CACNA1G: variants seen among roughly 807,000 people sequenced by gnomAD.
CACNA1G encodes calcium voltage-gated channel subunit alpha1 G.
CACNA1G carries 67 observed loss-of-function variants against 219.4 expected under a neutral mutation model. The ratio of observed to expected loss-of-function variants is 0.31; its 90% CI spans 0.25 to 0.37. The LOEUF (loss-of-function observed/expected upper bound fraction) is 0.37, where lower values mean the gene tolerates loss of function less well. CACNA1G is among the 10% of genes least tolerant of loss of function. The pLI is 1.00. For synonymous variants in CACNA1G, 1,296 were observed against 1,345.3 expected, an observed-to-expected ratio of 0.96 and a Z score of 0.80; for missense variants, 2,380 against 3,231.4, an observed-to-expected ratio of 0.74 and a Z score of 6.39.
rs781536757 is a variant in CACNA1G at position 50,569,197 on chromosome 17, C to T, written c.387C>T (p.Ala129=). The change falls in exon 3 of 38, where the codon GCC becomes GCT. Residue 129 remains alanine, a synonymous_variant. Coordinates refer to ENST00000359106, the MANE Select transcript of CACNA1G (RefSeq NM_018896.5). ...AFDDFIFAFF[A]VEMVVKMVAL... ...ATGACTTCATCTTTGCCTTCTTTGC[C>T]GTGGAGATGGTGGTGAAGATGGTGG... 10 of 1,613,744 alleles carry T rather than the reference C, an allele frequency of 6.2e-6. No individual in the cohort carries two copies. In the Admixed American group the frequency reaches 6.7e-5, roughly 11 times the overall value.
chr17:50,591,715 C>A, intron 11 of CACNA1G, 24 bp from the exon 12 acceptor site: 1 of 1,612,402 alleles, frequency 6.2e-7, no homozygotes, highest in Non-Finnish European at 8.5e-7. Flanking sequence ...TGATCCCTAG[C>A]TTGTGGCCCC....
intron 4 of CACNA1G, among the ~76,000 whole-genome samples, chr17:50,570,557 C>CTGTGTGTGTGTGTGTGTGTG (rs3062844): frequency 0.17 from 22,800 of 132,244 alleles, 2,721 homozygotes; most frequent in East Asian, 0.32. Flanking sequence ...CCCCTGCGCT[C>CTGTGTGTGTGTGTGTGTGTG]TGTGTGTGTG....
intron 26 of CACNA1G, among the ~76,000 whole-genome samples, chr17:50,612,415 G>C (rs2049405045): frequency 6.6e-6 from 1 of 152,198 alleles, no homozygotes; most frequent in Non-Finnish European, 1.5e-5. Flanking sequence ...GGGGCTGCTG[G>C]GTCATCAGGC....
At position 50,623,992 on chromosome 17, in the gene CACNA1G, A is replaced by G. The variant is rs775169966; in HGVS notation, c.6146A>G (p.Asn2049Ser). 2.5e-6 allele frequency: 4 copies of G among 1,613,018 alleles called. No individual in the cohort carries two copies. In the South Asian group the frequency reaches 3.3e-5, roughly 13 times the overall value. ...SGVSRTHSLP[N>S]DSYMCRHGST... ...GTCAGCCGAACGCACTCTCTGCCCA[A>G]TGACAGCTACATGTGTCGGCATGGG... Residue 2049 changes from asparagine to serine, a missense_variant, in exon 36 of 38, where the codon AAT (asparagine) becomes AGT (serine). Asn to Ser is a conservative substitution (Grantham distance 46, BLOSUM62 1). This residue lies in a region of CACNA1G where 672 missense variants were observed against 670.5 expected (regional missense o/e 1.00). Coordinates refer to ENST00000359106, the MANE Select transcript of CACNA1G (RefSeq NM_018896.5).
chr17:50,582,031 G>A (rs764374189), intron 9 of CACNA1G, among the ~76,000 whole-genome samples: 9 of 152,268 alleles, frequency 5.9e-5, no homozygotes, highest in Non-Finnish European at 1.2e-4. Context: ...GTTGGGAAGA[G>A]ACGTGGACAA....
intron 3 of CACNA1G, 79 bp downstream of exon 3, chr17:50,569,377 C>G: frequency 4.1e-6 from 6 of 1,466,664 alleles, no homozygotes; most frequent in Non-Finnish European, 5.7e-6. Flanking sequence ...GGCCTGTGAC[C>G]TCTCAGCTCC....
chr17:50,587,198 T>C (rs1173256265), intron 9 of CACNA1G, among the ~76,000 whole-genome samples: 2 of 152,026 alleles, frequency 1.3e-5, no homozygotes, highest in Admixed American at 1.3e-4. Context: ...GGCAGAGATG[T>C]AGAGGGAGGC....
At chr17:50,572,984 T>C in intron 6 of CACNA1G, 37 bp from the exon 7 acceptor site, 8 of 1,562,584 alleles carry the variant, frequency 5.1e-6, no homozygotes, top group Non-Finnish European at 6.1e-6. Flanking sequence ...GAGGATTTGG[T>C]GGGCCCATAG....
At position 50,596,982 on chromosome 17, in the gene CACNA1G, A is replaced by G; in HGVS notation, c.3258+59A>G. On this transcript the variant is annotated intron_variant, in intron 16 of 37. Transcript: ENST00000359106. The surrounding 1 kb of genome is among the most constrained non-coding windows in gnomAD (Gnocchi z 4.8). ...AGATATTCCAAGGAGGACAGGAGGA[A>G]GAGAGGATGGAGGCAGGCGGGTCCA... 7.0e-7 allele frequency: 1 copy of G among 1,428,610 alleles called. No homozygotes were observed. Among genetic ancestry groups the G allele is most frequent in the South Asian group, 1.4e-5 (1 of 70,256 alleles). 88.5% of individuals were successfully genotyped at this position (1,428,610 alleles called of 1,614,324 possible). A position where few individuals can be genotyped will look rare whatever the true frequency, so the allele number is the denominator to read the frequency against.
chr17:50,571,848 G>A lies in CACNA1G; in HGVS notation c.587-30G>A, dbSNP rs1273310365. ...CAGTCAGCCTAGCCCGGCCAGCCTG[G>A]TGTCCCCAGCGTGGCTTCTGCCCCC... is the stretch of plus-strand genomic sequence containing the variant. On this transcript the variant is annotated intron_variant, in intron 4 of 37. Coordinates refer to ENST00000359106, the MANE Select transcript of CACNA1G (RefSeq NM_018896.5). This position sits in a 1 kb window ranked among gnomAD's most constrained non-coding sequence, Gnocchi z 4.3. 1.2e-6 allele frequency: 2 copies of A among 1,610,960 alleles called. No homozygotes were observed. Among genetic ancestry groups the A allele is most frequent in the South Asian group, 2.2e-5 (2 of 91,074 alleles).
At chr17:50,608,716 G>A (rs898383936) in intron 25 of CACNA1G, among the ~76,000 whole-genome samples, 2 of 152,198 alleles carry the variant, frequency 1.3e-5, no homozygotes, top group South Asian at 2.1e-4. Context: ...CCATCCGTCC[G>A]TCCTCATGCC....
chr17:50,568,447 C>A (rs1435539739), intron 1 of CACNA1G, among the ~76,000 whole-genome samples: 1 of 152,180 alleles, frequency 6.6e-6, no homozygotes, highest in African/African-American at 2.4e-5. Flanking sequence ...CAGGCATAAT[C>A]CGACTTTAGG....
At chr17:50,581,461 C>T (rs2041948606) in intron 9 of CACNA1G, among the ~76,000 whole-genome samples, 1 of 152,070 alleles carries the variant, frequency 6.6e-6, no homozygotes, top group Non-Finnish European at 1.5e-5. Context: ...TGCCCTCCCT[C>T]CTGGCCGTCA....
At chr17:50,611,270 A>AG (rs1187672859) in intron 26 of CACNA1G, among the ~76,000 whole-genome samples, 11 of 143,496 alleles carry the variant, frequency 7.7e-5, no homozygotes, top group Middle Eastern at 3.4e-3. Context: ...AAAAAAAAAA[A>AG]AGAGAGAGAG....
At chr17:50,591,657 G>A (rs773612747) in intron 11 of CACNA1G, 37 bp downstream of exon 11, 25 of 1,610,136 alleles carry the variant, frequency 1.6e-5, no homozygotes, top group African/African-American at 8.0e-5. Context: ...CTGAGAGACC[G>A]GCCAGGCTGG....
intron 26 of CACNA1G, among the ~76,000 whole-genome samples, chr17:50,614,406 C>T (rs1046536400): frequency 1.3e-5 from 2 of 152,150 alleles, no homozygotes; most frequent in Non-Finnish European, 2.9e-5. Context: ...TCTGTGGCTT[C>T]GTGGGAGACC....
chr17:50,589,914 G>C (rs12602524), intron 9 of CACNA1G, among the ~76,000 whole-genome samples: 43,890 of 111,646 alleles, frequency 0.39, 8,648 homozygotes, highest in East Asian at 0.81. Flanking sequence ...CTCTCTCTCT[G>C]TGTGTGTGTG....
chr17:50,570,979 A>T (rs920981458), intron 4 of CACNA1G, among the ~76,000 whole-genome samples: 3 of 152,280 alleles, frequency 2.0e-5, no homozygotes, highest in African/African-American at 7.2e-5. Context: ...GAAGCCAGCC[A>T]TTAGAGATCT....
rs544488639 is a variant in CACNA1G at position 50,595,644 on chromosome 17, G to A, written c.2979+583G>A. On this transcript the variant is annotated intron_variant, in intron 14 of 37. Coordinates refer to ENST00000359106, the MANE Select transcript of CACNA1G (RefSeq NM_018896.5). ...CATCACCCACTTGGGTCCGGCTGGC[G>A]CTGTCAGGGCTGGCTCCCGGTCTGG... Among the ~76,000 whole-genome samples, 7 of 152,374 alleles carry A rather than the reference G, an allele frequency of 4.6e-5. No individual in the cohort carries two copies. The East Asian group carries it at 9.6e-4, about 21-fold the overall frequency.
Sources: gnomAD v4.1 joint callset for allele counts (sites outside exome capture counted in the v4.1 genomes callset) on GRCh38, gnomAD v4.1.1 for gene constraint, gnomAD v4.1.1 regional missense constraint, Gnocchi (gnomAD v3.1) non-coding constraint, MANE v1.5 for transcripts, NCBI Gene and HGNC (gene_info 2026-07-23, HGNC 2026-07-21) for gene names.